Variants in AK4 observed in about 807,000 individuals in gnomAD.
The protein encoded by AK4 is adenylate kinase 4, also known as adenylate kinase 4, mitochondrial.
A neutral mutation model predicts 24.6 loss-of-function variants in AK4; 13 were observed. The ratio of observed to expected loss-of-function variants is 0.53; its 90% CI spans 0.34 to 0.84. The LOEUF (loss-of-function observed/expected upper bound fraction) is 0.84. AK4 is among the 40% of genes least tolerant of loss of function. The pLI, the probability that AK4 is intolerant of heterozygous loss-of-function variation, is 0.01. For synonymous variants in AK4, 88 were observed against 107.0 expected, an observed-to-expected ratio of 0.82 and a Z score of 1.10; for missense variants, 192 against 288.2, an observed-to-expected ratio of 0.67 and a Z score of 2.42.
chr1:65,218,730 A>G (rs1418521852), intron 2 of AK4, 24 bp from the exon 3 acceptor site: 2 of 1,553,646 alleles, frequency 1.3e-6, no homozygotes, highest in Non-Finnish European at 1.7e-6. Flanking sequence ...CTTGCATTTC[A>G]CTTGTTTTGT....
At chr1:65,182,072 C>T (rs1164177175) in intron 1 of AK4, among the ~76,000 whole-genome samples, 4 of 152,034 alleles carry the variant, frequency 2.6e-5, no homozygotes, top group East Asian at 1.9e-4. Flanking sequence ...TGTGCCACCA[C>T]GCCTGACTAA....
chr1:65,220,200 G>A (rs1378928393), intron 3 of AK4, among the ~76,000 whole-genome samples: 2 of 152,218 alleles, frequency 1.3e-5, no homozygotes, highest in Non-Finnish European at 2.9e-5. Flanking sequence ...ATATTCACGT[G>A]CAGAGTTTTG....
intron 1 of AK4, among the ~76,000 whole-genome samples, chr1:65,171,338 C>T (rs1401352659): frequency 4.9e-5 from 6 of 123,552 alleles, no homozygotes; most frequent in African/African-American, 1.8e-4. Flanking sequence ...ACAGAGTCTC[C>T]CTCTGTTGCC....
chr1:65,154,536 C>T, intron 1 of AK4: 1 of 526,648 alleles, frequency 1.9e-6, no homozygotes, highest in Non-Finnish European at 3.8e-6. Flanking sequence ...AGGGTTCTCG[C>T]TCTTGTCGCG....
intron 1 of AK4, among the ~76,000 whole-genome samples, chr1:65,163,635 C>T (rs931343143): frequency 6.6e-6 from 1 of 152,346 alleles, no homozygotes; most frequent in Admixed American, 6.5e-5. Context: ...TGTAACCTCC[C>T]GATGGGCTCA....
intron 2 of AK4, among the ~76,000 whole-genome samples, chr1:65,208,769 A>G (rs1200222177): frequency 6.6e-6 from 1 of 152,200 alleles, no homozygotes; most frequent in Non-Finnish European, 1.5e-5. Flanking sequence ...CCCTTCCTGC[A>G]GAGTGAATGC....
chr1:65,210,634 T>C (rs1212249716), intron 2 of AK4, among the ~76,000 whole-genome samples: 1 of 152,186 alleles, frequency 6.6e-6, no homozygotes, highest in Non-Finnish European at 1.5e-5. Flanking sequence ...GGTGGTATTA[T>C]TATTCTGTCT....
intron 1 of AK4, among the ~76,000 whole-genome samples, chr1:65,168,450 A>G (rs921389117): frequency 6.6e-6 from 1 of 151,454 alleles, no homozygotes; most frequent in Non-Finnish European, 1.5e-5. Context: ...CTGGCCCTGC[A>G]TATTCTTTTT....
rs921099846 is a variant in AK4 at position 65,230,759 on chromosome 1, G to C, written c.*4582G>C. ...GCCTGGAATCTGTTTTTGGTGCTTT[G>C]GTGCAGAGACAGGAAATGGGCACTC... On this transcript the variant is annotated 3_prime_UTR_variant, in exon 5 of 5. Transcript: ENST00000327299. 1 of 152,100 alleles carries C rather than the reference G, an allele frequency of 6.6e-6. No individual in the cohort carries two copies. Among genetic ancestry groups the C allele is most frequent in the Non-Finnish European group, 1.5e-5 (1 of 68,034 alleles). The allele number at this position is 152,100 out of a possible 1,614,324, so 9.4% of individuals were successfully genotyped here. A position where few individuals can be genotyped will look rare whatever the true frequency, so the allele number is the denominator to read the frequency against.
chr1:65,174,252 T>C (rs1396172171), intron 1 of AK4, among the ~76,000 whole-genome samples: 1 of 152,116 alleles, frequency 6.6e-6, no homozygotes, highest in Non-Finnish European at 1.5e-5. Flanking sequence ...GAGCAAAGCA[T>C]AGGCAGATGT....
intron 2 of AK4, among the ~76,000 whole-genome samples, chr1:65,193,433 C>G (rs1366201532): frequency 6.6e-6 from 1 of 152,204 alleles, no homozygotes; most frequent in Non-Finnish European, 1.5e-5. Flanking sequence ...ATTGATAGCA[C>G]CTGGCTTCCT....
intron 3 of AK4, among the ~76,000 whole-genome samples, chr1:65,224,445 G>A (rs1028504318): frequency 5.3e-5 from 8 of 152,198 alleles, no homozygotes; most frequent in African/African-American, 1.9e-4. Context: ...AAGGTTTGTT[G>A]TTAGGAGAGG....
At position 65,173,213 on chromosome 1, in the gene AK4, T is replaced by C. The variant is rs566197810; in HGVS notation, c.146-17497T>C. 2.0e-5 allele frequency among the ~76,000 whole-genome samples: 3 copies of C among 152,098 alleles called. No individual in the cohort carries two copies. In the South Asian group the frequency reaches 6.2e-4, roughly 32 times the overall value. On this transcript the variant is annotated intron_variant, in intron 1 of 4. Transcript: ENST00000327299. ...GTCTTGGTCGTCAGTATTGAATCAT[T>C]ATGGTGTGTGGCATGGTAGTGGCTG... is the stretch of plus-strand genomic sequence containing the variant.
At chr1:65,176,162 C>G (rs1557446579) in intron 1 of AK4, among the ~76,000 whole-genome samples, 1 of 152,140 alleles carries the variant, frequency 6.6e-6, no homozygotes, top group Non-Finnish European at 1.5e-5. Context: ...GAAGAATTGT[C>G]TGGATATCCT....
At chr1:65,206,056 C>G (rs576768053) in intron 2 of AK4, among the ~76,000 whole-genome samples, 1 of 152,300 alleles carries the variant, frequency 6.6e-6, no homozygotes, top group Non-Finnish European at 1.5e-5. Flanking sequence ...CTCAGAAGGT[C>G]TGTCTTGTAC....
intron 2 of AK4, among the ~76,000 whole-genome samples, chr1:65,196,753 A>G (rs145657583): frequency 0.013 from 1,986 of 152,294 alleles, 42 homozygotes; most frequent in African/African-American, 0.046. Context: ...GGCATGAGCC[A>G]CTGCACCTGG....
intron 1 of AK4, among the ~76,000 whole-genome samples, chr1:65,164,029 A>C (rs1052625000): frequency 2.0e-5 from 3 of 152,176 alleles, no homozygotes; most frequent in African/African-American, 7.2e-5. Flanking sequence ...TGTTATCCCC[A>C]GGAGCAATTT....
rs574945588 is a variant in AK4, at chr1:65,229,967, G to C, written c.*3790G>C. ...AAATGCTGGTAGGTAAACAAGCAAT[G>C]ATGAAGCATTGAACACAGGTTAACT... is the stretch of plus-strand genomic sequence containing the variant. On this transcript the variant is annotated 3_prime_UTR_variant, in exon 5 of 5. Transcript: ENST00000327299. 6.6e-6 allele frequency: 1 copy of C among 152,388 alleles called. No homozygotes were observed. The highest frequency in any genetic ancestry group is 2.1e-4 in the South Asian group (1 of 4,818). The allele number at this position is 152,388 out of a possible 1,614,324, so 9.4% of individuals were successfully genotyped here. A position where few individuals can be genotyped will look rare whatever the true frequency, so the allele number is the denominator to read the frequency against.
intron 1 of AK4, among the ~76,000 whole-genome samples, chr1:65,182,061 G>A (rs1198406123): frequency 3.9e-5 from 6 of 152,058 alleles, no homozygotes; most frequent in Middle Eastern, 3.2e-3. Flanking sequence ...GACTACAGGT[G>A]TGTGCCACCA....
Sources: allele counts gnomAD v4.1 joint callset (sites outside exome capture counted in the v4.1 genomes callset), GRCh38; gene constraint gnomAD v4.1.1; transcripts MANE v1.5; gene names NCBI Gene and HGNC (gene_info 2026-07-23, HGNC 2026-07-21).